Variants in CCDC68 observed in about 807,000 individuals in gnomAD.
CCDC68 encodes the protein coiled-coil domain-containing protein 68.
A neutral mutation model predicts 47.1 loss-of-function variants in CCDC68; 45 were observed. The observed-to-expected ratio is 0.96, with a 90% CI of 0.75 to 1.23. The LOEUF is 1.23. Among genes scored for constraint, CCDC68 ranks in the 50% most tolerant of loss-of-function variants. CCDC68 has a pLI of 0.00. For synonymous variants in CCDC68, 131 were observed against 129.5 expected (o/e 1.01, Z -0.08); for missense variants, 353 against 373.6 (o/e 0.94, Z 0.45).
At chr18:54,952,670 C>T (rs1055465444) in intron 1 of CCDC68, among the ~76,000 whole-genome samples, 1 of 152,170 alleles carries the variant, frequency 6.6e-6, no homozygotes, top group Non-Finnish European at 1.5e-5. Flanking sequence ...AATTGCCAAA[C>T]ACTGCAAACA....
intron 8 of CCDC68, among the ~76,000 whole-genome samples, chr18:54,926,600 C>G (rs114498143): frequency 0.01 from 1,559 of 152,214 alleles, 37 homozygotes; most frequent in African/African-American, 0.035. Flanking sequence ...CTTAAAAAGG[C>G]CTGCATATTT....
chr18:54,946,524 A>G (rs1599091803), intron 1 of CCDC68, among the ~76,000 whole-genome samples: 1 of 152,344 alleles, frequency 6.6e-6, no homozygotes, highest in South Asian at 2.1e-4. Flanking sequence ...GTGTACATTA[A>G]CAAATCATAA....
intron 11 of CCDC68, among the ~76,000 whole-genome samples, chr18:54,906,074 T>C (rs1023417199): frequency 6.6e-6 from 1 of 152,188 alleles, no homozygotes; most frequent in Admixed American, 6.5e-5. Flanking sequence ...ATTATTTTAT[T>C]ATACATTACA....
At chr18:54,956,385 T>C (rs2044714023) in intron 1 of CCDC68, among the ~76,000 whole-genome samples, 1 of 152,226 alleles carries the variant, frequency 6.6e-6, no homozygotes, top group African/African-American at 2.4e-5. Context: ...GGCATTCATA[T>C]TTAAAATTAT....
rs1228622146 is a variant in CCDC68, at chr18:54,904,100, A to G, written c.*258T>C. On this transcript the variant is annotated 3_prime_UTR_variant, in exon 12 of 12. Coordinates refer to ENST00000591504, the MANE Select transcript of CCDC68 (RefSeq NM_025214.3). ...AAGATTCAGATTTTTTTTTTTTTTT[A>G]ATTTAAAGCAGAATCTGTCTTCCAT... The G allele has an allele frequency of 3.5e-6, 1 of 288,628 alleles. No homozygotes were observed. The highest frequency in any genetic ancestry group is 6.3e-6 in the Non-Finnish European group (1 of 157,806). 17.9% of individuals were successfully genotyped at this position (288,628 alleles called of 1,614,324 possible).
rs781740583 is a variant in CCDC68, at chr18:54,928,797, A to G, written c.683+3T>C. ...CCTTTACTTAACAGGTAGCTTCACAAACCTTTTTCCATATGTAGCACTGGA... is the reference window on the plus strand; with the variant it reads ...CCTTTACTTAACAGGTAGCTTCACAGACCTTTTTCCATATGTAGCACTGGA... On this transcript the variant is annotated splice_donor_region_variant and intron_variant, in intron 8 of 11. Transcript: ENST00000591504. 6.2e-7 allele frequency: 1 copy of G among 1,604,598 alleles called. No individual in the cohort carries two copies. The highest frequency in any genetic ancestry group is 8.5e-7 in the Non-Finnish European group (1 of 1,171,580).
At chr18:54,952,268 CTT>C (rs1252452347) in intron 1 of CCDC68, among the ~76,000 whole-genome samples, 1 of 152,194 alleles carries the variant, frequency 6.6e-6, no homozygotes, top group Admixed American at 6.5e-5. Context: ...GTCACAGTCA[CTT>C]GCAACATTTA....
chr18:54,945,551 A>G (rs1351668941), intron 1 of CCDC68, 74 bp from the exon 2 acceptor site: 1 of 152,134 alleles, frequency 6.6e-6, no homozygotes, highest in Non-Finnish European at 1.5e-5. Flanking sequence ...AAAAAAACAC[A>G]AAGAATTTGC....
intron 1 of CCDC68, among the ~76,000 whole-genome samples, chr18:54,957,016 T>G (rs188128450): frequency 2.0e-5 from 3 of 152,224 alleles, no homozygotes; most frequent in Non-Finnish European, 4.4e-5. Context: ...TGTAGTCTTA[T>G]TTTTCTAATT....
At position 54,946,025 on chromosome 18, in the gene CCDC68, G is replaced by A. The variant is rs181751874; in HGVS notation, c.-102-548C>T. ...AGAATGGTTCTTACATTTTTGAATG[G>A]TCAAACAAAAAAATCAAAAGAAGAA... On this transcript the variant is annotated intron_variant, in intron 1 of 11. Coordinates refer to ENST00000591504, the MANE Select transcript of CCDC68 (RefSeq NM_025214.3). Among the ~76,000 whole-genome samples, 510 of 151,902 alleles carry A rather than the reference G, an allele frequency of 3.4e-3. 3 individuals are homozygous for A. Among genetic ancestry groups the A allele is most frequent in the Non-Finnish European group, 5.8e-3 (391 of 67,952 alleles).
At chr18:54,919,694 G>C (rs756535256) in intron 8 of CCDC68, among the ~76,000 whole-genome samples, 1 of 152,172 alleles carries the variant, frequency 6.6e-6, no homozygotes, top group East Asian at 1.9e-4. Flanking sequence ...AAATTGCCTT[G>C]CCTAAGCACC....
intron 7 of CCDC68, among the ~76,000 whole-genome samples, chr18:54,932,241 G>A (rs1316054142): frequency 1.3e-5 from 2 of 150,340 alleles, no homozygotes. Context: ...CTGAAGTGCA[G>A]TGGCGTCATC....
At chr18:54,941,189 A>C in intron 3 of CCDC68, 106 bp from the exon 4 acceptor site, 1 of 674,088 alleles carries the variant, frequency 1.5e-6, no homozygotes, top group Non-Finnish European at 2.6e-6. Flanking sequence ...AGTAATACAT[A>C]TATACATATA....
intron 1 of CCDC68, among the ~76,000 whole-genome samples, chr18:54,948,327 G>A (rs530231882): frequency 3.3e-5 from 5 of 152,262 alleles, no homozygotes; most frequent in East Asian, 3.9e-4. Context: ...GAGATGTAGC[G>A]ATGCTTCTGC....
intron 5 of CCDC68, 107 bp downstream of exon 5, chr18:54,937,850 G>A: frequency 1.2e-6 from 1 of 840,912 alleles, no homozygotes; most frequent in East Asian, 2.7e-5. Context: ...TGGACCTATG[G>A]ATGTGTGTGG....
At chr18:54,918,450 G>A (rs1468429217) in intron 9 of CCDC68, among the ~76,000 whole-genome samples, 1 of 152,218 alleles carries the variant, frequency 6.6e-6, no homozygotes, top group African/African-American at 2.4e-5. Context: ...GAATTGGGAG[G>A]TGGGGTGATG....
intron 8 of CCDC68, among the ~76,000 whole-genome samples, chr18:54,921,504 T>C (rs1210531457): frequency 3.9e-5 from 6 of 152,194 alleles, no homozygotes; most frequent in African/African-American, 1.4e-4. Flanking sequence ...AGGAGAATGT[T>C]TGGGAGTACA....
chr18:54,959,219 G>C (rs1055843208), intron 1 of CCDC68, 117 bp downstream of exon 1: 1 of 152,272 alleles, frequency 6.6e-6, no homozygotes. Flanking sequence ...AAATGTCCTT[G>C]ATGCCAGGAA....
At chr18:54,921,179 C>T (rs146738449) in intron 8 of CCDC68, among the ~76,000 whole-genome samples, 194 of 152,184 alleles carry the variant, frequency 1.3e-3, no homozygotes, top group African/African-American at 4.4e-3. Flanking sequence ...AAACAATAGA[C>T]GCTGCGGACT....
Sources: gnomAD v4.1 joint callset for allele counts (sites outside exome capture counted in the v4.1 genomes callset) on GRCh38, gnomAD v4.1.1 for gene constraint, MANE v1.5 for transcripts, NCBI Gene and HGNC (gene_info 2026-07-23, HGNC 2026-07-21) for gene names.